The following ZNF618 variants were observed in gnomAD, a reference collection of about 807,000 sequenced individuals.
ZNF618 encodes neural precursor cell expressed, developmentally down-regulated 10.
A neutral mutation model predicts 103.0 loss-of-function variants in ZNF618; 34 were observed. The observed-to-expected ratio is 0.33, with a 90% CI of 0.25 to 0.44. The LOEUF (loss-of-function observed/expected upper bound fraction) is 0.44, where lower values mean the gene tolerates loss of function less well. Ranked by LOEUF, ZNF618 falls within the 20% of genes least tolerant of loss-of-function variation. The pLI is 1.00. For synonymous variants in ZNF618, 551 were observed against 542.2 expected, an observed-to-expected ratio of 1.02 and a Z score of -0.23; for missense variants, 1,059 against 1,295.4, an observed-to-expected ratio of 0.82 and a Z score of 2.80.
chr9:114,040,167 T>A (rs1368320760), intron 13 of ZNF618, among the ~76,000 whole-genome samples: 3 of 152,162 alleles, frequency 2.0e-5, no homozygotes, highest in Non-Finnish European at 4.4e-5. Flanking sequence ...TAAGAATCAT[T>A]CCTGCAGCTT....
chr9:113,988,521 G>A lies in ZNF618; in HGVS notation c.278G>A (p.Ser93Asn). The A allele has an allele frequency of 6.2e-7, 1 of 1,612,802 alleles. No individual in the cohort carries two copies. The highest frequency in any genetic ancestry group is 8.5e-7 in the Non-Finnish European group (1 of 1,179,816). ...EKKAVSKDGTSDVPAEICVVI... is the reference protein window; with the variant it reads ...EKKAVSKDGTNDVPAEICVVI... ...AAGGCGGTCAGCAAGGATGGGACCA[G>A]CGACGTGCCTGCCGAGATCTGCGTG... Residue 93 changes from serine (S) to asparagine (N), a missense_variant, in exon 3 of 15, where the codon AGC (serine) becomes AAC (asparagine). Around this residue, in one of 6 missense-constraint regions of ZNF618, gnomAD observed 194 missense variants for 209.0 expected, o/e 0.93. Coordinates refer to ENST00000374126, the MANE Select transcript of ZNF618 (RefSeq NM_001318042.2).
Position 113,889,800 on chromosome 9 carries a change from T to A in ZNF618, c.33+13387T>A, listed in dbSNP as rs367705526. ...ACGTCTGTCCTTCTGTGTGACTGTCTGTTCTTCTGTCTATCCCAATCACCT... is the reference window on the plus strand; with the variant it reads ...ACGTCTGTCCTTCTGTGTGACTGTCAGTTCTTCTGTCTATCCCAATCACCT... On this transcript the variant is annotated intron_variant, in intron 1 of 14. Transcript: ENST00000374126. Among the ~76,000 whole-genome samples the A allele has an allele frequency of 9.2e-5, 14 of 152,348 alleles. No individual in the cohort carries two copies. In the East Asian group the frequency reaches 2.3e-3, roughly 25 times the overall value.
chr9:113,987,590 A>C, intron 2 of ZNF618, among the ~76,000 whole-genome samples: 1 of 151,474 alleles, frequency 6.6e-6, no homozygotes, highest in Non-Finnish European at 1.5e-5. Context: ...CTAGGAACGA[A>C]GGGAACAGCA....
At chr9:113,915,515 T>G (rs1831986646) in intron 1 of ZNF618, among the ~76,000 whole-genome samples, 1 of 151,942 alleles carries the variant, frequency 6.6e-6, no homozygotes, top group Non-Finnish European at 1.5e-5. Context: ...ATGCTGAGAT[T>G]GGTAAAGGGG....
intron 14 of ZNF618, 86 bp downstream of exon 14, chr9:114,048,080 T>A: frequency 8.5e-7 from 1 of 1,182,454 alleles, no homozygotes; most frequent in Non-Finnish European, 1.2e-6. Flanking sequence ...CCATTTGTGC[T>A]TCCTGTGATG....
At chr9:114,046,877 T>C (rs1466604854) in intron 13 of ZNF618, among the ~76,000 whole-genome samples, 1 of 152,206 alleles carries the variant, frequency 6.6e-6, no homozygotes, top group African/African-American at 2.4e-5. Context: ...ATTCCTGGAG[T>C]AAATCCCACT....
At chr9:113,970,973 G>A (rs1295460433) in intron 2 of ZNF618, among the ~76,000 whole-genome samples, 1 of 145,636 alleles carries the variant, frequency 6.9e-6, no homozygotes, top group Non-Finnish European at 1.5e-5. Flanking sequence ...GATGGAAGAA[G>A]ATGTGCCAGT....
At chr9:114,035,710 T>C (rs1203723097) in intron 12 of ZNF618, among the ~76,000 whole-genome samples, 1 of 151,910 alleles carries the variant, frequency 6.6e-6, no homozygotes, top group Non-Finnish European at 1.5e-5. Flanking sequence ...CTGCACCCCT[T>C]GTGCCTGTTC....
At chr9:113,904,841 T>G (rs997187545) in intron 1 of ZNF618, among the ~76,000 whole-genome samples, 1 of 152,194 alleles carries the variant, frequency 6.6e-6, no homozygotes, top group African/African-American at 2.4e-5. Context: ...TCTGGCTCTC[T>G]CTCTTCTGCC....
At chr9:113,883,762 C>T (rs912657490) in intron 1 of ZNF618, among the ~76,000 whole-genome samples, 4 of 152,134 alleles carry the variant, frequency 2.6e-5, no homozygotes, top group Non-Finnish European at 5.9e-5. Flanking sequence ...CATATTCCCA[C>T]GTTTCCATAT....
chr9:113,895,221 G>GGTT (rs1829936020), intron 1 of ZNF618, among the ~76,000 whole-genome samples: 1 of 152,030 alleles, frequency 6.6e-6, no homozygotes, highest in Non-Finnish European at 1.5e-5. Context: ...TTGCAATGGA[G>GGTT]GTTGAATCAT....
chr9:114,038,794 G>A (rs1035174760), intron 13 of ZNF618, among the ~76,000 whole-genome samples: 40 of 152,110 alleles, frequency 2.6e-4, no homozygotes, highest in African/African-American at 6.5e-4. Context: ...GGTAGTTGAC[G>A]TTTTCATCCC....
intron 1 of ZNF618, among the ~76,000 whole-genome samples, chr9:113,922,656 C>T (rs1053089629): frequency 1.7e-4 from 26 of 152,040 alleles, no homozygotes; most frequent in Non-Finnish European, 2.9e-4. Flanking sequence ...TTATTGTGAT[C>T]TACTTGTTTA....
intron 1 of ZNF618, among the ~76,000 whole-genome samples, chr9:113,904,986 A>G (rs891587543): frequency 2.0e-5 from 3 of 152,136 alleles, no homozygotes; most frequent in Admixed American, 1.3e-4. Flanking sequence ...AGTTCTGGGG[A>G]TTAGGACGCA....
At chr9:113,960,102 A>G (rs1428017969) in intron 1 of ZNF618, among the ~76,000 whole-genome samples, 1 of 152,260 alleles carries the variant, frequency 6.6e-6, no homozygotes, top group Middle Eastern at 3.2e-3. Flanking sequence ...ATCTGTGTTC[A>G]CAGAGCAACT....
At chr9:114,038,015 C>G (rs1386303283) in intron 13 of ZNF618, among the ~76,000 whole-genome samples, 5 of 152,334 alleles carry the variant, frequency 3.3e-5, no homozygotes, top group Admixed American at 3.3e-4. Context: ...CCGCCCCCTG[C>G]TTTCCTTTGC....
At chr9:113,917,498 C>T (rs937427825) in intron 1 of ZNF618, among the ~76,000 whole-genome samples, 1 of 151,820 alleles carries the variant, frequency 6.6e-6, no homozygotes, top group South Asian at 2.1e-4. Context: ...AAGCAATCCA[C>T]CTGTCCCGGC....
At chr9:114,019,691 T>G (rs564093391) in intron 10 of ZNF618, among the ~76,000 whole-genome samples, 1 of 152,290 alleles carries the variant, frequency 6.6e-6, no homozygotes, top group African/African-American at 2.4e-5. Flanking sequence ...GTTGGGCTGT[T>G]TGTCTTTTTT....
intron 10 of ZNF618, among the ~76,000 whole-genome samples, chr9:114,020,838 T>C (rs1843013980): frequency 6.6e-6 from 1 of 152,086 alleles, no homozygotes; most frequent in Non-Finnish European, 1.5e-5. Flanking sequence ...CAATGTTGAA[T>C]AGAAGAAATT....
Sources: gnomAD v4.1 joint callset for allele counts (sites outside exome capture counted in the v4.1 genomes callset) on GRCh38, gnomAD v4.1.1 for gene constraint, gnomAD v4.1.1 regional missense constraint, MANE v1.5 for transcripts, NCBI Gene and HGNC (gene_info 2026-07-23, HGNC 2026-07-21) for gene names.